The following CCNY variants were observed in gnomAD, a reference collection of about 807,000 sequenced individuals.
The protein encoded by CCNY is cyclin Y.
CCNY carries 19 observed loss-of-function variants against 42.8 expected under a neutral mutation model. That is an observed-to-expected ratio of 0.44 (90% confidence interval 0.31 to 0.65). The LOEUF (loss-of-function observed/expected upper bound fraction) is 0.65, where lower values mean the gene tolerates loss of function less well. CCNY is among the 30% of genes least tolerant of loss of function. The pLI is 0.07. For missense variants in CCNY, 370 were observed against 437.3 expected, an observed-to-expected ratio of 0.85 and a Z score of 1.37; for synonymous variants, 165 against 162.7, an observed-to-expected ratio of 1.01 and a Z score of -0.11.
At chr10:35,474,990 C>T (rs1363366163) in intron 1 of CCNY, among the ~76,000 whole-genome samples, 10 of 151,852 alleles carry the variant, frequency 6.6e-5, no homozygotes, top group Non-Finnish European at 1.5e-4. Context: ...TCGAGAACTA[C>T]GTGAAGAATG....
chr10:35,525,901 A>G, intron 4 of CCNY, 63 bp from the exon 5 acceptor site: 1 of 1,393,352 alleles, frequency 7.2e-7, no homozygotes, highest in Non-Finnish European at 1.0e-6. Context: ...GACTGTGGCC[A>G]GGTAATGTGT....
intron 8 of CCNY, among the ~76,000 whole-genome samples, chr10:35,565,425 C>T (rs984099810): frequency 2.7e-4 from 41 of 152,312 alleles, no homozygotes; most frequent in Middle Eastern, 3.4e-3. Flanking sequence ...TGATGGGGTG[C>T]GTGCTCAAGT....
chr10:35,491,091 A>G (rs2135378166), intron 2 of CCNY, among the ~76,000 whole-genome samples: 1 of 152,276 alleles, frequency 6.6e-6, no homozygotes, highest in African/African-American at 2.4e-5. Context: ...GTGTGCAGAC[A>G]GGTCCATTTG....
At chr10:35,468,635 A>G (rs548316007) in intron 1 of CCNY, among the ~76,000 whole-genome samples, 4 of 152,142 alleles carry the variant, frequency 2.6e-5, no homozygotes, top group African/African-American at 7.2e-5. Context: ...AAGAGTCATG[A>G]GACTATTTTT....
chr10:35,490,262 G>A (rs1026704422), intron 2 of CCNY, among the ~76,000 whole-genome samples: 2 of 152,198 alleles, frequency 1.3e-5, no homozygotes, highest in African/African-American at 4.8e-5. Flanking sequence ...AGGCATCATA[G>A]TCAATCCAGT....
chr10:35,359,137 G>C (rs1342555632), intron 1 of CCNY, among the ~76,000 whole-genome samples: 1 of 152,206 alleles, frequency 6.6e-6, no homozygotes, highest in African/African-American at 2.4e-5. Flanking sequence ...CTTTGGACTT[G>C]TAGTGTGACT....
At chr10:35,544,936 T>C (rs1841079972) in intron 7 of CCNY, among the ~76,000 whole-genome samples, 1 of 152,226 alleles carries the variant, frequency 6.6e-6, no homozygotes, top group Non-Finnish European at 1.5e-5. Flanking sequence ...ATCAGGATCA[T>C]TTCCTGGGCT....
chr10:35,292,375 G>A (rs910761934), intron 3 of CCNY, among the ~76,000 whole-genome samples: 13 of 151,894 alleles, frequency 8.6e-5, no homozygotes, highest in South Asian at 2.1e-4. Context: ...TTATTTTTAT[G>A]TTTTGAAGAC....
intron 1 of CCNY, among the ~76,000 whole-genome samples, chr10:35,363,795 C>T (rs1016054361): frequency 6.6e-6 from 1 of 152,088 alleles, no homozygotes; most frequent in Non-Finnish European, 1.5e-5. Flanking sequence ...AGTGAGTGAA[C>T]CAGCAATATA....
At chr10:35,383,282 A>C (rs1179346227) in intron 1 of CCNY, among the ~76,000 whole-genome samples, 1 of 152,086 alleles carries the variant, frequency 6.6e-6, no homozygotes, top group Non-Finnish European at 1.5e-5. Context: ...TAGGAAATTG[A>C]ACTAGAAACT....
chr10:35,504,383 C>T (rs1840173653), intron 3 of CCNY, among the ~76,000 whole-genome samples: 1 of 152,134 alleles, frequency 6.6e-6, no homozygotes, highest in Admixed American at 6.5e-5. Flanking sequence ...AATGGTCCCC[C>T]AGGCTGGAAA....
At chr10:35,361,142 C>T (rs1434672121) in intron 1 of CCNY, among the ~76,000 whole-genome samples, 1 of 152,188 alleles carries the variant, frequency 6.6e-6, no homozygotes, top group Non-Finnish European at 1.5e-5. Flanking sequence ...CAGGCATGAG[C>T]CACTGCACCT....
At chr10:35,398,980 C>A (rs1302807903) in intron 1 of CCNY, among the ~76,000 whole-genome samples, 1 of 152,194 alleles carries the variant, frequency 6.6e-6, no homozygotes, top group Non-Finnish European at 1.5e-5. Context: ...CTTTCCTGGC[C>A]TTTCAGCTTG....
intron 8 of CCNY, among the ~76,000 whole-genome samples, chr10:35,562,468 G>A (rs1423138247): frequency 6.6e-6 from 1 of 152,250 alleles, no homozygotes; most frequent in Non-Finnish European, 1.5e-5. Flanking sequence ...ACACTAACTT[G>A]CCATTCCTCC....
intron 3 of CCNY, among the ~76,000 whole-genome samples, chr10:35,516,063 G>A (rs1249404053): frequency 6.6e-6 from 1 of 152,154 alleles, no homozygotes; most frequent in African/African-American, 2.4e-5. Flanking sequence ...ATTAACATTG[G>A]CTGCATTTTC....
intron 3 of CCNY, 35 bp from the exon 4 acceptor site, chr10:35,516,488 G>A (rs968034603): frequency 7.0e-7 from 1 of 1,421,334 alleles, no homozygotes; most frequent in African/African-American, 1.4e-5. Flanking sequence ...TGAGCCCTGT[G>A]TAATTGCCTT....
intron 2 of CCNY, among the ~76,000 whole-genome samples, chr10:35,490,082 T>A (rs1239372107): frequency 6.6e-6 from 1 of 152,184 alleles, no homozygotes; most frequent in African/African-American, 2.4e-5. Context: ...TGTTTATACA[T>A]CTCTGCCATT....
intron 1 of CCNY, among the ~76,000 whole-genome samples, chr10:35,476,567 A>T (rs562763766): frequency 2.6e-5 from 4 of 152,014 alleles, no homozygotes; most frequent in African/African-American, 9.7e-5. Context: ...GGCAGAAATA[A>T]AGATGTTCTT....
intron 1 of CCNY, among the ~76,000 whole-genome samples, chr10:35,443,159 G>C (rs1446533939): frequency 6.6e-6 from 1 of 152,228 alleles, no homozygotes. Flanking sequence ...TGGGTGGAGA[G>C]TGACTCTGAA....
Sources: gnomAD v4.1 joint callset for allele counts (sites outside exome capture counted in the v4.1 genomes callset) on GRCh38, gnomAD v4.1.1 for gene constraint, MANE v1.5 for transcripts, NCBI Gene and HGNC (gene_info 2026-07-23, HGNC 2026-07-21) for gene names.